Variants in FAM193A observed in about 807,000 individuals in gnomAD.
FAM193A encodes the protein protein FAM193A.
In FAM193A, 22 loss-of-function variants were observed where a neutral mutation model predicts 126.5. The observed-to-expected ratio is 0.17, with a 90% CI of 0.12 to 0.25. FAM193A has a LOEUF of 0.25. Ranked by LOEUF, FAM193A falls within the 10% of genes least tolerant of loss-of-function variation. The pLI, the probability that FAM193A is intolerant of heterozygous loss-of-function variation, is 1.00. For missense variants in FAM193A, 1,675 were observed against 1,672.8 expected (o/e 1.00, Z -0.02); for synonymous variants, 761 against 646.8 (o/e 1.18, Z -2.68).
chr4:2,568,973 C>CTTTTTTTTTTTTTTTTTTTTTT (rs753557878), intron 1 of FAM193A, among the ~76,000 whole-genome samples: 3 of 90,720 alleles, frequency 3.3e-5, no homozygotes, highest in African/African-American at 4.6e-5. Flanking sequence ...TGTTGTTTTG[C>CTTTTTTTTTTTTTTTTTTTTTT]TTTTTTTTTT....
chr4:2,636,982 G>A (rs1020467925), intron 5 of FAM193A, among the ~76,000 whole-genome samples: 1 of 152,160 alleles, frequency 6.6e-6, no homozygotes, highest in Non-Finnish European at 1.5e-5. Flanking sequence ...CTGCCTGGGG[G>A]ATCAAACAGG....
intron 12 of FAM193A, among the ~76,000 whole-genome samples, chr4:2,666,536 G>T (rs1250505357): frequency 6.6e-6 from 1 of 152,194 alleles, no homozygotes; most frequent in Non-Finnish European, 1.5e-5. Flanking sequence ...CATAGGATGA[G>T]TTAGGAAATG....
chr4:2,620,698 A>T, intron 2 of FAM193A, among the ~76,000 whole-genome samples: 1 of 141,560 alleles, frequency 7.1e-6, no homozygotes, highest in Non-Finnish European at 1.6e-5. Flanking sequence ...AAAATACAAA[A>T]ATTAGCCAGG....
intron 8 of FAM193A, among the ~76,000 whole-genome samples, chr4:2,658,734 A>G (rs1473645890): frequency 6.6e-6 from 1 of 151,304 alleles, no homozygotes; most frequent in Admixed American, 6.6e-5. Context: ...CCCATTCTGC[A>G]TGTGTCCCTG....
rs574544627 is a variant in FAM193A, at chr4:2,689,396, C to T, written c.2332-110C>T. The stretch of plus-strand genomic sequence containing the variant: ...CCCCTGGGCTGAGCTCAGCTCATGG[C>T]GAGCACATCCCATGAGGCTCATAAT... On this transcript the variant is annotated intron_variant, in intron 13 of 20. Transcript: ENST00000637812. 1.1e-5 allele frequency: 8 copies of T among 736,590 alleles called. No homozygotes were observed. In the East Asian group the frequency reaches 1.2e-4, roughly 11 times the overall value. 45.6% of individuals were successfully genotyped at this position (736,590 alleles called of 1,614,324 possible).
chr4:2,586,244 CA>C (rs71178483), intron 1 of FAM193A, among the ~76,000 whole-genome samples: 4,651 of 143,576 alleles, frequency 0.032, 259 homozygotes, highest in African/African-American at 0.11. Flanking sequence ...AACTCCGTCT[CA>C]AAAAAAAAAA....
rs989240509 is a variant in FAM193A, at chr4:2,598,517, G to A, written c.501+2188G>A. Among the ~76,000 whole-genome samples, 6 of 152,238 alleles carry A rather than the reference G, an allele frequency of 3.9e-5. 1 individual carries two copies. Among genetic ancestry groups the A allele is most frequent in the Admixed American group, 2.0e-4 (3 of 15,278 alleles). ...GCATCTGTGCTCATGAAGGCTGTCT[G>A]TAGGCCTCTTGTCTTACAGTGGCCT... On this transcript the variant is annotated intron_variant, in intron 2 of 20. Coordinates refer to ENST00000637812, the MANE Select transcript of FAM193A (RefSeq NM_001366318.2).
intron 5 of FAM193A, among the ~76,000 whole-genome samples, chr4:2,633,383 A>G (rs1330535379): frequency 6.6e-6 from 1 of 151,790 alleles, no homozygotes; most frequent in Non-Finnish European, 1.5e-5. Flanking sequence ...TGGGCAACAG[A>G]GCGAGACTCT....
intron 2 of FAM193A, among the ~76,000 whole-genome samples, chr4:2,622,298 C>G (rs1039714923): frequency 6.9e-6 from 1 of 144,246 alleles, no homozygotes; most frequent in Non-Finnish European, 1.5e-5. Flanking sequence ...AATGTCTCAT[C>G]TAATTAATTC....
intron 1 of FAM193A, among the ~76,000 whole-genome samples, chr4:2,589,951 G>T (rs755523425): frequency 6.6e-6 from 1 of 151,640 alleles, no homozygotes; most frequent in Non-Finnish European, 1.5e-5. Flanking sequence ...CCTGACCGAC[G>T]TGATGAAACC....
At chr4:2,655,970 G>T (rs959060171) in intron 7 of FAM193A, among the ~76,000 whole-genome samples, 7 of 152,096 alleles carry the variant, frequency 4.6e-5, no homozygotes, top group African/African-American at 1.7e-4. Context: ...ATTTTTTGTA[G>T]CGGTGGGGGT....
intron 2 of FAM193A, among the ~76,000 whole-genome samples, chr4:2,605,698 A>C (rs1462363870): frequency 2.0e-5 from 3 of 152,148 alleles, no homozygotes; most frequent in African/African-American, 7.2e-5. Flanking sequence ...AGGGCCGGAC[A>C]CGGTGGCTCA....
At chr4:2,710,179 T>TCG (rs1158216601) in intron 19 of FAM193A, among the ~76,000 whole-genome samples, 1 of 98,384 alleles carries the variant, frequency 1.0e-5, no homozygotes, top group Non-Finnish European at 2.1e-5. Context: ...TTTTTTTTCT[T>TCG]TTTTTTTTTT....
Position 2,562,204 on chromosome 4 carries a change from T to TG in FAM193A, c.255+25034_255+25035insG, listed in dbSNP as rs538273967. ...GGTTCATCCCTATAATCGCAGCACT[T>TG]TGGGAGGTTGAGGCAGGAGGATTGC... On this transcript the variant is annotated intron_variant, in intron 1 of 20. Coordinates refer to ENST00000637812, the MANE Select transcript of FAM193A (RefSeq NM_001366318.2). Among the ~76,000 whole-genome samples the TG allele has an allele frequency of 1.8e-3, 268 of 152,086 alleles. 1 individual carries two copies. The highest frequency in any genetic ancestry group is 0.01 in the Middle Eastern group (3 of 294).
At chr4:2,546,515 A>G (rs1737564179) in intron 1 of FAM193A, among the ~76,000 whole-genome samples, 1 of 152,282 alleles carries the variant, frequency 6.6e-6, no homozygotes, top group Middle Eastern at 3.4e-3. Context: ...CATACAGTCC[A>G]TTTATGACTG....
intron 2 of FAM193A, among the ~76,000 whole-genome samples, chr4:2,599,324 G>T (rs936945390): frequency 2.6e-5 from 4 of 151,812 alleles, no homozygotes; most frequent in African/African-American, 9.7e-5. Flanking sequence ...GCTGCACTTT[G>T]TTGTGTAGTT....
At chr4:2,675,931 CT>C (rs755327571) in intron 13 of FAM193A, among the ~76,000 whole-genome samples, 7 of 152,182 alleles carry the variant, frequency 4.6e-5, no homozygotes, top group Non-Finnish European at 8.8e-5. Flanking sequence ...GCATAATGTC[CT>C]CAGCGTTTAT....
Position 2,700,164 on chromosome 4 carries a change from A to G in FAM193A, c.3992A>G (p.His1331Arg), listed in dbSNP as rs376338025. 97 of 1,613,560 alleles carry G rather than the reference A, an allele frequency of 6.0e-5. No homozygotes were observed. The highest frequency in any genetic ancestry group is 1.0e-4 in the Admixed American group (6 of 59,940). The change falls in exon 19 of 21, where the codon CAT becomes CGT. Residue 1331 changes from histidine (H) to arginine (R), a missense_variant. Transcript: ENST00000637812. ...TTTTTCTTCGACATCATGCAGCACCATAAAGAAGGAAATGGCAAGCAGAAG... is the reference window on the plus strand; with the variant it reads ...TTTTTCTTCGACATCATGCAGCACCGTAAAGAAGGAAATGGCAAGCAGAAG... ...LSFFFDIMQHHKEGNGKQKLR... is the reference protein window; with the variant it reads ...LSFFFDIMQHRKEGNGKQKLR...
At chr4:2,696,080 T>C (rs966201676) in intron 17 of FAM193A, among the ~76,000 whole-genome samples, 21 of 152,132 alleles carry the variant, frequency 1.4e-4, no homozygotes, top group Non-Finnish European at 8.8e-5. Context: ...GATTTGTAAT[T>C]GTTTCCTTTT....
Sources: gnomAD v4.1 joint callset for allele counts (sites outside exome capture counted in the v4.1 genomes callset) on GRCh38, gnomAD v4.1.1 for gene constraint, MANE v1.5 for transcripts, NCBI Gene and HGNC (gene_info 2026-07-23, HGNC 2026-07-21) for gene names.